Variants in PRDM5 observed in about 807,000 individuals in gnomAD.
The protein encoded by PRDM5 is PR domain zinc finger protein 5.
Under a neutral mutation model 81.2 loss-of-function variants are expected in PRDM5, and 56 were observed. That is an observed-to-expected ratio of 0.69 (90% confidence interval 0.56 to 0.86). PRDM5 has a LOEUF of 0.86. Ranked by LOEUF, PRDM5 falls within the 40% of genes least tolerant of loss-of-function variation. The pLI is 0.00. For missense variants in PRDM5, 697 were observed against 770.1 expected (o/e 0.91, Z 1.12); for synonymous variants, 267 against 256.4 (o/e 1.04, Z -0.39).
At chr4:120,734,413 C>CAT (rs1435127385) in intron 14 of PRDM5, among the ~76,000 whole-genome samples, 1 of 144,660 alleles carries the variant, frequency 6.9e-6, no homozygotes, top group Admixed American at 6.8e-5. Flanking sequence ...CACACACACA[C>CAT]ACACAAATAC....
rs1300731175 is a variant in PRDM5, at chr4:120,695,582, A to G, written c.1729-307T>C. Reference sequence around the variant, plus strand: ...CTCTATAACATAAATGGCATAAGACATTTCTCAGCAGTGATCCCTTCAGTT... The same window carrying G: ...CTCTATAACATAAATGGCATAAGACGTTTCTCAGCAGTGATCCCTTCAGTT... On this transcript the variant is annotated intron_variant, in intron 15 of 15. Coordinates refer to ENST00000264808, the MANE Select transcript of PRDM5 (RefSeq NM_018699.4). 2.0e-5 allele frequency among the ~76,000 whole-genome samples: 3 copies of G among 152,166 alleles called. No individual in the cohort carries two copies. The East Asian group carries it at 5.8e-4, about 29-fold the overall frequency.
chr4:120,770,687 A>G (rs951740207), intron 13 of PRDM5, among the ~76,000 whole-genome samples: 1 of 152,134 alleles, frequency 6.6e-6, no homozygotes, highest in Non-Finnish European at 1.5e-5. Flanking sequence ...AAAAAATTAG[A>G]TAATTTCTCT....
At chr4:120,749,615 G>A (rs1459163230) in intron 14 of PRDM5, among the ~76,000 whole-genome samples, 1 of 152,176 alleles carries the variant, frequency 6.6e-6, no homozygotes, top group Non-Finnish European at 1.5e-5. Context: ...AAAGCCTTCT[G>A]CCTCTGAGTG....
intron 1 of PRDM5, among the ~76,000 whole-genome samples, chr4:120,919,296 T>C (rs915703141): frequency 2.0e-5 from 3 of 152,328 alleles, no homozygotes; most frequent in Middle Eastern, 3.4e-3. Flanking sequence ...GCAAGCTCCT[T>C]GCAGAAAAAG....
chr4:120,919,279 T>A (rs948114079), intron 1 of PRDM5, among the ~76,000 whole-genome samples: 1 of 152,176 alleles, frequency 6.6e-6, no homozygotes. Context: ...TCTCCCCACA[T>A]AAGAAAGCAA....
intron 11 of PRDM5, among the ~76,000 whole-genome samples, chr4:120,781,963 A>C (rs1749101361): frequency 6.6e-6 from 1 of 152,116 alleles, no homozygotes; most frequent in Non-Finnish European, 1.5e-5. Flanking sequence ...ACTATTAGCC[A>C]CCCTGGGTAT....
At position 120,699,157 on chromosome 4, in the gene PRDM5, T is replaced by TATAAATATAA. The variant is rs1560888877; in HGVS notation, c.1729-3883_1729-3882insTTATATTTAT. 5.1e-4 allele frequency among the ~76,000 whole-genome samples: 42 copies of TATAAATATAA among 82,888 alleles called. 2 individuals are homozygous for TATAAATATAA. Among genetic ancestry groups the TATAAATATAA allele is most frequent in the Non-Finnish European group, 5.1e-4 (22 of 43,474 alleles). 54.4% of individuals were successfully genotyped at this position (82,888 alleles called of 152,430 possible). A position where few individuals can be genotyped will look rare whatever the true frequency, so the allele number is the denominator to read the frequency against. On this transcript the variant is annotated intron_variant, in intron 15 of 15. Transcript: ENST00000264808. ...CAAATGTATAGGCAATTATAGGAAA[T>TATAAATATAA]ATAAATATATATATATATATATATA...
At chr4:120,866,939 G>C (rs1285458994) in intron 2 of PRDM5, among the ~76,000 whole-genome samples, 1 of 152,196 alleles carries the variant, frequency 6.6e-6, no homozygotes, top group Admixed American at 6.5e-5. Context: ...TGGCTGGTAA[G>C]TATAGAAGTT....
chr4:120,826,402 T>C (rs1755987119), intron 3 of PRDM5, among the ~76,000 whole-genome samples: 1 of 152,084 alleles, frequency 6.6e-6, no homozygotes, highest in South Asian at 2.1e-4. Context: ...TAATTAGGAG[T>C]TCTCTATATC....
chr4:120,832,046 C>A (rs1001281257), intron 3 of PRDM5, among the ~76,000 whole-genome samples: 6 of 152,094 alleles, frequency 3.9e-5, no homozygotes, highest in African/African-American at 1.4e-4. Context: ...ATTTATTTAG[C>A]TGAATCCCCA....
At chr4:120,852,129 A>G (rs548253782) in intron 3 of PRDM5, among the ~76,000 whole-genome samples, 2 of 151,994 alleles carry the variant, frequency 1.3e-5, no homozygotes, top group Non-Finnish European at 1.5e-5. Flanking sequence ...TTCTTGCCTT[A>G]TTTTCCACTG....
chr4:120,827,282 C>T (rs951840502), intron 3 of PRDM5, among the ~76,000 whole-genome samples: 5 of 152,066 alleles, frequency 3.3e-5, no homozygotes, highest in African/African-American at 1.2e-4. Context: ...CAAACACACA[C>T]ACAAAAGCTT....
chr4:120,758,655 C>T (rs74476491), intron 13 of PRDM5, among the ~76,000 whole-genome samples: 29,618 of 152,026 alleles, frequency 0.19, 3,532 homozygotes, highest in Non-Finnish European at 0.27. Context: ...TGATCTCAGA[C>T]TTACAGCCTC....
At chr4:120,739,730 G>C (rs1163393302) in intron 14 of PRDM5, among the ~76,000 whole-genome samples, 2 of 151,562 alleles carry the variant, frequency 1.3e-5, no homozygotes, top group Admixed American at 1.3e-4. Context: ...CCATGATCTA[G>C]CATGCCTGGA....
At chr4:120,910,175 G>A (rs1484899502) in intron 1 of PRDM5, among the ~76,000 whole-genome samples, 1 of 152,070 alleles carries the variant, frequency 6.6e-6, no homozygotes, top group Non-Finnish European at 1.5e-5. Flanking sequence ...TGATAGGGGA[G>A]GTAAATTAGC....
At chr4:120,773,202 TGACA>T (rs1232367531) in intron 13 of PRDM5, among the ~76,000 whole-genome samples, 1 of 152,148 alleles carries the variant, frequency 6.6e-6, no homozygotes, top group East Asian at 1.9e-4. Context: ...ACAAAATGAC[TGACA>T]GACAAATTAT....
chr4:120,697,437 G>C (rs754581208), intron 15 of PRDM5, among the ~76,000 whole-genome samples: 10 of 151,840 alleles, frequency 6.6e-5, no homozygotes, highest in Non-Finnish European at 1.2e-4. Flanking sequence ...TGACTTATTT[G>C]GCCAATTAAA....
At chr4:120,720,953 A>G (rs1472521340) in intron 14 of PRDM5, among the ~76,000 whole-genome samples, 1 of 152,200 alleles carries the variant, frequency 6.6e-6, no homozygotes, top group Non-Finnish European at 1.5e-5. Flanking sequence ...ATAGGATACA[A>G]TTTTTATATT....
chr4:120,897,504 TA>T (rs1374812948), intron 2 of PRDM5, among the ~76,000 whole-genome samples: 1 of 152,208 alleles, frequency 6.6e-6, no homozygotes, highest in Non-Finnish European at 1.5e-5. Context: ...ATAATGTTTT[TA>T]AAAAGTCCTG....
Sources: gnomAD v4.1 joint callset for allele counts (sites outside exome capture counted in the v4.1 genomes callset) on GRCh38, gnomAD v4.1.1 for gene constraint, MANE v1.5 for transcripts, NCBI Gene and HGNC (gene_info 2026-07-23, HGNC 2026-07-21) for gene names.